Variants in ERC1 observed in about 807,000 individuals in gnomAD.
ERC1 encodes ELKS/RAB6-interacting/CAST family member 1.
Under a neutral mutation model 132.0 loss-of-function variants are expected in ERC1, and 56 were observed. That is an observed-to-expected ratio of 0.42 (90% CI 0.34 to 0.53). The LOEUF is 0.53. Among genes scored for constraint, ERC1 ranks in the 20% least tolerant of loss-of-function variants. The probability of loss-of-function intolerance (pLI) is 0.03; values close to 1 mark genes in which losing one functional copy is unlikely to be tolerated. For missense variants in ERC1, 1,202 were observed against 1,349.9 expected, an observed-to-expected ratio of 0.89 and a Z score of 1.72; for synonymous variants, 478 against 476.1, an observed-to-expected ratio of 1.00 and a Z score of -0.05.
chr12:1,361,679 A>G (rs2086138252), intron 15 of ERC1, among the ~76,000 whole-genome samples: 1 of 152,210 alleles, frequency 6.6e-6, no homozygotes, highest in African/African-American at 2.4e-5. Context: ...GTTTTCATGA[A>G]AGTGCCTCCA....
intron 12 of ERC1, among the ~76,000 whole-genome samples, chr12:1,210,673 G>A (rs545712789): frequency 2.0e-5 from 3 of 152,164 alleles, no homozygotes; most frequent in Non-Finnish European, 2.9e-5. Context: ...GATAGTTGCT[G>A]TCAATGGCTA....
intron 18 of ERC1, among the ~76,000 whole-genome samples, chr12:1,483,894 A>G (rs1434633595): frequency 6.6e-6 from 1 of 151,390 alleles, no homozygotes; most frequent in East Asian, 2.0e-4. Flanking sequence ...GGGTTTCACC[A>G]TTTTGGCCAG....
At position 1,183,310 on chromosome 12, in the gene ERC1, T is replaced by C; in HGVS notation, c.2046T>C (p.Ala682=). The change falls in exon 11 of 19, where the codon GCT becomes GCC. Residue 682 remains alanine (A), a synonymous_variant. Transcript: ENST00000360905. ...EASLLDLKEH[A]SSLASSGLKK... ...CACTTTTGGATCTGAAAGAGCATGC[T>C]TCTTCTCTGGCATCCTCAGGACTGA... is the stretch of plus-strand genomic sequence containing the variant. 6.3e-7 allele frequency: 1 copy of C among 1,575,738 alleles called. No individual in the cohort carries two copies. Among genetic ancestry groups the C allele is most frequent in the Non-Finnish European group, 8.7e-7 (1 of 1,155,246 alleles).
chr12:1,148,187 G>C (rs1950543354), intron 8 of ERC1, among the ~76,000 whole-genome samples: 1 of 152,092 alleles, frequency 6.6e-6, no homozygotes, highest in Non-Finnish European at 1.5e-5. Flanking sequence ...TTTTAGAAAA[G>C]TTTTTGTATT....
chr12:1,448,091 A>G (rs151295679), intron 18 of ERC1, among the ~76,000 whole-genome samples: 2 of 152,344 alleles, frequency 1.3e-5, no homozygotes, highest in Admixed American at 6.5e-5. Context: ...CTGATTTTTC[A>G]GCAAGTTTTG....
At chr12:1,413,207 G>A (rs926511722) in intron 17 of ERC1, among the ~76,000 whole-genome samples, 13 of 152,066 alleles carry the variant, frequency 8.5e-5, no homozygotes, top group Non-Finnish European at 1.6e-4. Context: ...TAGCTGTCAA[G>A]CAGCCCTCCT....
At chr12:1,241,319 T>A (rs2075776208) in intron 13 of ERC1, among the ~76,000 whole-genome samples, 1 of 152,200 alleles carries the variant, frequency 6.6e-6, no homozygotes, top group African/African-American at 2.4e-5. Flanking sequence ...GTGTCAAATT[T>A]TAATTACATT....
At chr12:1,433,769 C>T (rs575258665) in intron 17 of ERC1, among the ~76,000 whole-genome samples, 16 of 152,170 alleles carry the variant, frequency 1.1e-4, no homozygotes, top group African/African-American at 3.6e-4. Flanking sequence ...TTGCTGAAGC[C>T]CACAAGGCAA....
chr12:1,212,656 G>A (rs936335566), intron 12 of ERC1, among the ~76,000 whole-genome samples: 2 of 152,142 alleles, frequency 1.3e-5, no homozygotes, highest in East Asian at 3.9e-4. Flanking sequence ...TGGGTGAAAA[G>A]GAAAAGGGGG....
intron 16 of ERC1, among the ~76,000 whole-genome samples, chr12:1,406,216 T>G (rs12296754): frequency 0.061 from 9,339 of 152,254 alleles, 439 homozygotes; most frequent in African/African-American, 0.12. Flanking sequence ...TTACATAGCT[T>G]GCCTGAAGTC....
Position 1,309,877 on chromosome 12 carries a change from TC to T in ERC1, c.2780+19866del, listed in dbSNP as rs376390655. Among the ~76,000 whole-genome samples the T allele has an allele frequency of 3.1e-3, 475 of 152,312 alleles. 5 individuals carry two copies. The highest frequency in any genetic ancestry group is 0.011 in the African/African-American group (459 of 41,564). ...GTAACCTCTCAGTTACTCAGTTTCCTCGTCTATAGAGTGGTAATTTGTAATA... is the reference window on the plus strand; with the variant it reads ...GTAACCTCTCAGTTACTCAGTTTCCTGTCTATAGAGTGGTAATTTGTAATA... On this transcript the variant is annotated intron_variant, in intron 15 of 18. Transcript: ENST00000360905.
chr12:1,386,530 C>G (rs1232133980), intron 16 of ERC1: 1 of 151,674 alleles, frequency 6.6e-6, no homozygotes, highest in Non-Finnish European at 1.5e-5. Context: ...CACCTGTAAT[C>G]CCAGCTACTC....
chr12:1,132,847 T>C (rs1183571858), intron 7 of ERC1, among the ~76,000 whole-genome samples: 5 of 149,976 alleles, frequency 3.3e-5, no homozygotes, highest in South Asian at 2.1e-4. Context: ...CAGGATAAAA[T>C]AATGTGGGTT....
intron 16 of ERC1, among the ~76,000 whole-genome samples, chr12:1,396,456 G>GT (rs1173627661): frequency 6.6e-6 from 1 of 152,154 alleles, no homozygotes; most frequent in African/African-American, 2.4e-5. Flanking sequence ...ATTTTACTAG[G>GT]TACTGAGTTG....
chr12:1,333,226 TTTG>T (rs1164518923), intron 15 of ERC1, among the ~76,000 whole-genome samples: 2 of 152,098 alleles, frequency 1.3e-5, no homozygotes, highest in African/African-American at 2.4e-5. Context: ...TCCTGTGTTG[TTTG>T]TTAAGGGTAG....
At chr12:1,034,913 T>A (rs571821270) in intron 2 of ERC1, among the ~76,000 whole-genome samples, 1 of 152,308 alleles carries the variant, frequency 6.6e-6, no homozygotes, top group South Asian at 2.1e-4. Context: ...AAAACCCATA[T>A]GTGCTGAAGA....
intron 15 of ERC1, among the ~76,000 whole-genome samples, chr12:1,299,010 G>C (rs2154344086): frequency 6.6e-6 from 1 of 152,158 alleles, no homozygotes; most frequent in East Asian, 1.9e-4. Context: ...ATCTAATAGA[G>C]CTTCAAAATT....
intron 15 of ERC1, among the ~76,000 whole-genome samples, chr12:1,328,943 G>A (rs1295584139): frequency 7.4e-6 from 1 of 134,284 alleles, no homozygotes; most frequent in African/African-American, 2.9e-5. Context: ...GAACTTTTTA[G>A]AGGTGATTTG....
intron 2 of ERC1, among the ~76,000 whole-genome samples, chr12:1,052,498 C>T (rs1346515297): frequency 6.6e-6 from 1 of 152,026 alleles, no homozygotes; most frequent in Non-Finnish European, 1.5e-5. Context: ...TACAACTTTT[C>T]TGGGCTTGAG....
Sources: gnomAD v4.1 joint callset for allele counts (sites outside exome capture counted in the v4.1 genomes callset) on GRCh38, gnomAD v4.1.1 for gene constraint, MANE v1.5 for transcripts, NCBI Gene and HGNC (gene_info 2026-07-23, HGNC 2026-07-21) for gene names.